CTDSPL2: variants seen among roughly 807,000 people sequenced by gnomAD.
The protein encoded by CTDSPL2 is CTD small phosphatase like 2.
CTDSPL2 carries 5 observed loss-of-function variants against 60.0 expected under a neutral mutation model. The observed-to-expected ratio is 0.08, with a 90% CI of 0.04 to 0.18. The LOEUF (loss-of-function observed/expected upper bound fraction) is 0.18. Among genes scored for constraint, CTDSPL2 ranks in the 10% least tolerant of loss-of-function variants. The probability of loss-of-function intolerance (pLI) is 1.00; values close to 1 mark genes in which losing one functional copy is unlikely to be tolerated. For missense variants in CTDSPL2, 370 were observed against 548.8 expected (o/e 0.67, Z 3.26); for synonymous variants, 186 against 189.3 (o/e 0.98, Z 0.14).
chr15:44,509,886 A>G lies in CTDSPL2; in HGVS notation c.970-4712A>G, dbSNP rs138833985. On this transcript the variant is annotated intron_variant, in intron 8 of 12. Transcript: ENST00000260327. Reference sequence around the variant, plus strand: ...GGTTGCAGTGAGCTGAGACCACACCATTGCACTCCAGCCTGGGCAACAGGG... The same window carrying G: ...GGTTGCAGTGAGCTGAGACCACACCGTTGCACTCCAGCCTGGGCAACAGGG... 7.2e-3 allele frequency among the ~76,000 whole-genome samples: 1,090 copies of G among 151,954 alleles called. 10 individuals carry two copies. The highest frequency in any genetic ancestry group is 0.025 in the African/African-American group (1,034 of 41,494).
chr15:44,466,439 T>A (rs1436792931), intron 2 of CTDSPL2, among the ~76,000 whole-genome samples: 6 of 152,250 alleles, frequency 3.9e-5, no homozygotes, highest in Non-Finnish European at 5.9e-5. Context: ...GATTCATTCA[T>A]ATTCATTCAT....
chr15:44,449,680 C>G (rs1045401238), intron 1 of CTDSPL2, among the ~76,000 whole-genome samples: 3 of 152,046 alleles, frequency 2.0e-5, no homozygotes, highest in Non-Finnish European at 4.4e-5. Flanking sequence ...TAAGGCGAAA[C>G]ACCATTTCTA....
chr15:44,476,984 A>G (rs1027650353), intron 2 of CTDSPL2, among the ~76,000 whole-genome samples: 2 of 152,172 alleles, frequency 1.3e-5, no homozygotes, highest in African/African-American at 4.8e-5. Context: ...AGGACTTTGG[A>G]AGGCTGTGGT....
rs914676980 is a variant in CTDSPL2 at position 44,446,836 on chromosome 15, A to G, written c.-24-12155A>G. 5.5e-5 allele frequency among the ~76,000 whole-genome samples: 8 copies of G among 145,860 alleles called. 1 individual carries two copies. The highest frequency in any genetic ancestry group is 4.8e-4 in the Admixed American group (7 of 14,470). ...AGTGGTGTGATCTCAGCTCACTGCA[A>G]CCTCTGCTCTCGGATTCAAGTGATT... is the stretch of plus-strand genomic sequence containing the variant. On this transcript the variant is annotated intron_variant, in intron 1 of 12. Transcript: ENST00000260327.
At chr15:44,472,615 A>G (rs988638580) in intron 2 of CTDSPL2, among the ~76,000 whole-genome samples, 3 of 150,342 alleles carry the variant, frequency 2.0e-5, no homozygotes, top group African/African-American at 7.4e-5. Context: ...CCTTCACCTC[A>G]GCCTCCTGAG....
intron 1 of CTDSPL2, among the ~76,000 whole-genome samples, chr15:44,429,601 C>T (rs2141244437): frequency 6.6e-6 from 1 of 152,284 alleles, no homozygotes; most frequent in South Asian, 2.1e-4. Context: ...GGTGGGGTGG[C>T]TCACGCCTGT....
At chr15:44,485,489 A>G (rs2140787978) in intron 3 of CTDSPL2, among the ~76,000 whole-genome samples, 1 of 152,326 alleles carries the variant, frequency 6.6e-6, no homozygotes, top group Non-Finnish European at 1.5e-5. Context: ...AGATTCTCAT[A>G]AGGATCGCAC....
At chr15:44,455,142 C>T (rs574585198) in intron 1 of CTDSPL2, among the ~76,000 whole-genome samples, 1 of 152,262 alleles carries the variant, frequency 6.6e-6, no homozygotes, top group Non-Finnish European at 1.5e-5. Flanking sequence ...TCCTTCACAT[C>T]CCTTGTAAGT....
chr15:44,504,306 C>T (rs1387060880), intron 8 of CTDSPL2, among the ~76,000 whole-genome samples: 7 of 151,882 alleles, frequency 4.6e-5, no homozygotes, highest in African/African-American at 1.7e-4. Flanking sequence ...GCCAAGATTG[C>T]GCCACTGCAC....
chr15:44,477,322 C>T (rs1489007512), intron 2 of CTDSPL2, among the ~76,000 whole-genome samples: 1 of 152,034 alleles, frequency 6.6e-6, no homozygotes, highest in East Asian at 1.9e-4. Flanking sequence ...CCCTTGATCT[C>T]AGGAGTTCCA....
Position 44,427,708 on chromosome 15 carries a change from A to G in CTDSPL2, c.-89A>G. ...CTGCTGCGGGGTAAGCGGGAAAGAC[A>G]CCACACATTGCGCAGTCGGGACCAT... On this transcript the variant is annotated 5_prime_UTR_variant, in exon 1 of 13. Coordinates refer to ENST00000260327, the MANE Select transcript of CTDSPL2 (RefSeq NM_016396.3). 2 of 399,496 alleles carry G rather than the reference A, an allele frequency of 5.0e-6. No homozygotes were observed. Among genetic ancestry groups the G allele is most frequent in the Non-Finnish European group, 8.8e-6 (2 of 226,484 alleles). The allele number at this position is 399,496 out of a possible 1,614,324, so 24.7% of individuals were successfully genotyped here. A position where few individuals can be genotyped will look rare whatever the true frequency, so the allele number is the denominator to read the frequency against.
intron 8 of CTDSPL2, among the ~76,000 whole-genome samples, chr15:44,513,071 C>CAA (rs1182992155): frequency 1.6e-3 from 158 of 99,148 alleles, no homozygotes; most frequent in African/African-American, 5.2e-3. Context: ...GACTCCTTCT[C>CAA]AAAAAAAAAA....
chr15:44,523,348 A>G (rs183649386), intron 12 of CTDSPL2, among the ~76,000 whole-genome samples: 31 of 152,208 alleles, frequency 2.0e-4, no homozygotes, highest in Non-Finnish European at 3.5e-4. Context: ...TGAGGCCAGG[A>G]GTTTGAGACT....
At chr15:44,511,827 T>G (rs2081570543) in intron 8 of CTDSPL2, among the ~76,000 whole-genome samples, 1 of 134,926 alleles carries the variant, frequency 7.4e-6, no homozygotes, top group African/African-American at 2.9e-5. Flanking sequence ...AAGATCATGT[T>G]ACTGCACTCC....
chr15:44,478,807 C>A (rs191202844), intron 2 of CTDSPL2, among the ~76,000 whole-genome samples: 411 of 152,028 alleles, frequency 2.7e-3, no homozygotes, highest in South Asian at 6.7e-3. Context: ...CATGGTGAAA[C>A]CCTGTCTCTA....
intron 5 of CTDSPL2, among the ~76,000 whole-genome samples, chr15:44,492,080 G>C (rs1264807364): frequency 6.6e-6 from 1 of 151,910 alleles, no homozygotes; most frequent in Non-Finnish European, 1.5e-5. Context: ...TGTTGACCAG[G>C]CTGGTCTCGA....
chr15:44,429,185 C>G (rs2141243190), intron 1 of CTDSPL2, among the ~76,000 whole-genome samples: 1 of 152,304 alleles, frequency 6.6e-6, no homozygotes, highest in East Asian at 1.9e-4. Flanking sequence ...ATTTGGTAGA[C>G]TTTGCCCAAG....
chr15:44,440,607 A>C (rs1297787060), intron 1 of CTDSPL2, among the ~76,000 whole-genome samples: 1 of 152,096 alleles, frequency 6.6e-6, no homozygotes. Flanking sequence ...CAAACTGCTG[A>C]AGGTTTATCA....
intron 3 of CTDSPL2, 51 bp from the exon 4 acceptor site, chr15:44,486,500 C>G (rs1277586834): frequency 7.7e-7 from 1 of 1,299,682 alleles, no homozygotes; most frequent in South Asian, 1.6e-5. Flanking sequence ...TAACACACTT[C>G]TGAAATTCAG....
Sources: allele counts gnomAD v4.1 joint callset (sites outside exome capture counted in the v4.1 genomes callset), GRCh38; gene constraint gnomAD v4.1.1; transcripts MANE v1.5; gene names NCBI Gene and HGNC (gene_info 2026-07-23, HGNC 2026-07-21).